TNKS: variants seen among roughly 807,000 people sequenced by gnomAD.
The protein encoded by TNKS is tankyrase.
In TNKS, 72 loss-of-function variants were observed where a neutral mutation model predicts 135.8. The ratio of observed to expected loss-of-function variants is 0.53; its 90% CI spans 0.44 to 0.64. The LOEUF (loss-of-function observed/expected upper bound fraction) is 0.64. Among genes scored for constraint, TNKS ranks in the 30% least tolerant of loss-of-function variants. The pLI is 0.00. For missense variants in TNKS, 1,769 were observed against 1,674.0 expected, an observed-to-expected ratio of 1.06 and a Z score of -0.99; for synonymous variants, 849 against 649.3, an observed-to-expected ratio of 1.31 and a Z score of -4.68.
intron 3 of TNKS, among the ~76,000 whole-genome samples, chr8:9,650,869 T>A (rs574946882): frequency 8.5e-5 from 13 of 152,346 alleles, no homozygotes; most frequent in African/African-American, 3.1e-4. Flanking sequence ...GCTTTTGTGT[T>A]GTTGGTTGTG....
chr8:9,727,025 T>G (rs1307318666), intron 13 of TNKS, among the ~76,000 whole-genome samples: 1 of 152,236 alleles, frequency 6.6e-6, no homozygotes, highest in African/African-American at 2.4e-5. Flanking sequence ...CTCTTTTAAT[T>G]TCACTTATAT....
intron 2 of TNKS, among the ~76,000 whole-genome samples, chr8:9,583,567 C>T (rs745362729): frequency 1.6e-4 from 25 of 151,866 alleles, no homozygotes; most frequent in Non-Finnish European, 1.2e-4. Flanking sequence ...CTGCTCACTG[C>T]GAACTCTGCC....
At chr8:9,653,138 G>C (rs1373668590) in intron 3 of TNKS, among the ~76,000 whole-genome samples, 1 of 152,190 alleles carries the variant, frequency 6.6e-6, no homozygotes, top group Admixed American at 6.5e-5. Context: ...CTGCTATAGT[G>C]AAGTAATGAG....
chr8:9,702,615 C>T (rs1467849596), intron 5 of TNKS, among the ~76,000 whole-genome samples: 1 of 152,230 alleles, frequency 6.6e-6, no homozygotes, highest in Admixed American at 6.5e-5. Context: ...TAAGTTGATA[C>T]TCCCTGACAG....
chr8:9,749,524 G>C (rs771373157), intron 18 of TNKS, among the ~76,000 whole-genome samples: 1 of 149,680 alleles, frequency 6.7e-6, no homozygotes, highest in Admixed American at 6.7e-5. Flanking sequence ...ACCCAAGCCA[G>C]AGTGCAGTGG....
At chr8:9,594,340 T>C (rs151336635) in intron 2 of TNKS, among the ~76,000 whole-genome samples, 1 of 152,372 alleles carries the variant, frequency 6.6e-6, no homozygotes, top group Non-Finnish European at 1.5e-5. Context: ...CTATTTAGAC[T>C]TGCATGGTCC....
At chr8:9,773,785 A>G (rs1554491008) in intron 26 of TNKS, among the ~76,000 whole-genome samples, 1 of 152,070 alleles carries the variant, frequency 6.6e-6, no homozygotes. Context: ...CGGGGAGGAT[A>G]ATTGCTCTTC....
intron 3 of TNKS, among the ~76,000 whole-genome samples, chr8:9,663,602 G>A (rs758474389): frequency 5.3e-5 from 8 of 152,180 alleles, no homozygotes; most frequent in Non-Finnish European, 1.2e-4. Context: ...CCCCACTTTA[G>A]AGGCTACTCG....
intron 5 of TNKS, among the ~76,000 whole-genome samples, chr8:9,698,035 TGTG>T (rs1803601132): frequency 6.6e-6 from 1 of 152,172 alleles, no homozygotes; most frequent in East Asian, 1.9e-4. Flanking sequence ...ATAAAGAAAA[TGTG>T]GTACATATAC....
At chr8:9,623,219 C>G (rs1563124225) in intron 3 of TNKS, among the ~76,000 whole-genome samples, 1 of 152,156 alleles carries the variant, frequency 6.6e-6, no homozygotes, top group Admixed American at 6.5e-5. Context: ...GGTTGATGAA[C>G]ATTCATTTGA....
chr8:9,687,809 G>A (rs1330766751), intron 5 of TNKS, among the ~76,000 whole-genome samples: 5 of 152,330 alleles, frequency 3.3e-5, no homozygotes, highest in East Asian at 1.9e-4. Context: ...TCCTTTGGCC[G>A]TGAGTGTGAG....
At chr8:9,734,819 C>A in intron 15 of TNKS, 46 bp from the exon 16 acceptor site, 1 of 1,529,996 alleles carries the variant, frequency 6.5e-7, no homozygotes. Flanking sequence ...TACCTACCTA[C>A]TTACTACAGA....
At chr8:9,771,336 G>C (rs1346430469) in intron 26 of TNKS, among the ~76,000 whole-genome samples, 1 of 109,996 alleles carries the variant, frequency 9.1e-6, no homozygotes, top group Non-Finnish European at 2.0e-5. Context: ...GAGGGAGAGA[G>C]AGGAAGGGAA....
intron 12 of TNKS, among the ~76,000 whole-genome samples, chr8:9,725,931 G>A (rs539118242): frequency 1.3e-5 from 2 of 152,106 alleles, no homozygotes; most frequent in African/African-American, 4.8e-5. Flanking sequence ...ATTCTGTTTC[G>A]CATTGCTATC....
At chr8:9,682,944 A>C (rs1802844735) in intron 5 of TNKS, among the ~76,000 whole-genome samples, 1 of 152,164 alleles carries the variant, frequency 6.6e-6, no homozygotes, top group African/African-American at 2.4e-5. Context: ...AATATAAATA[A>C]TGCAATAATG....
At chr8:9,703,632 A>G (rs962913574) in intron 5 of TNKS, among the ~76,000 whole-genome samples, 1 of 152,236 alleles carries the variant, frequency 6.6e-6, no homozygotes, top group African/African-American at 2.4e-5. Flanking sequence ...TGTATGAAAT[A>G]TCTCAAAAGC....
chr8:9,613,929 C>A (rs1185422319), intron 2 of TNKS, among the ~76,000 whole-genome samples: 1 of 152,160 alleles, frequency 6.6e-6, no homozygotes, highest in Non-Finnish European at 1.5e-5. Flanking sequence ...TAAAAATATT[C>A]ATTTACTTCT....
At chr8:9,692,445 G>T (rs1224408644) in intron 5 of TNKS, among the ~76,000 whole-genome samples, 1 of 152,168 alleles carries the variant, frequency 6.6e-6, no homozygotes, top group Admixed American at 6.5e-5. Context: ...CAAAAACCGT[G>T]AATTAAAGAC....
intron 3 of TNKS, chr8:9,679,672 G>A (rs1016257729): frequency 1.9e-5 from 7 of 374,320 alleles, no homozygotes; most frequent in African/African-American, 1.4e-4. Context: ...TTATCAGAGG[G>A]AATGTGTTTC....
Sources: gnomAD v4.1 joint callset for allele counts (sites outside exome capture counted in the v4.1 genomes callset) on GRCh38, gnomAD v4.1.1 for gene constraint, MANE v1.5 for transcripts, NCBI Gene and HGNC (gene_info 2026-07-23, HGNC 2026-07-21) for gene names.